RERE: variants seen among roughly 807,000 people sequenced by gnomAD.
RERE encodes the protein arginine-glutamic acid dipeptide repeats, also known as arginine-glutamic acid dipeptide repeats protein.
In RERE, 40 loss-of-function variants were observed where a neutral mutation model predicts 146.1. The ratio of observed to expected loss-of-function variants is 0.27; its 90% CI spans 0.21 to 0.36. RERE has a LOEUF of 0.36. Ranked by LOEUF, RERE falls within the 10% of genes least tolerant of loss-of-function variation. The pLI, the probability that RERE is intolerant of heterozygous loss-of-function variation, is 1.00. For missense variants in RERE, 1,933 were observed against 2,138.7 expected (o/e 0.90, Z 1.90); for synonymous variants, 1,003 against 866.0 (o/e 1.16, Z -2.78).
chr1:8,554,177 C>A (rs1370776864), intron 6 of RERE, among the ~76,000 whole-genome samples: 2 of 152,108 alleles, frequency 1.3e-5, no homozygotes, highest in Admixed American at 6.5e-5. Context: ...CAGAGCAACA[C>A]CCCGTCTCAG....
intron 2 of RERE, 107 bp downstream of exon 2, chr1:8,655,866 G>C: frequency 6.6e-7 from 1 of 1,509,000 alleles, no homozygotes; most frequent in Non-Finnish European, 8.8e-7. Context: ...TACTCTTCTA[G>C]ATTCCAAGCC....
intron 1 of RERE, among the ~76,000 whole-genome samples, chr1:8,719,711 C>CA (rs1639825818): frequency 6.6e-6 from 1 of 152,048 alleles, no homozygotes; most frequent in African/African-American, 2.4e-5. Context: ...GTAAGCCTAC[C>CA]ACAACAGTTA....
chr1:8,497,489 C>T lies in RERE; in HGVS notation c.920G>A (p.Gly307Asp). ...TTCCTCATGTTGGGTCACTGTATCA[C>T]CATCTGGAGAAGGAAATGGTTGCAG... ...PDLQPFPSPD[G>D]DTVTQHEELV... is the part of the protein sequence containing the mutation. The change falls in exon 9 of 23, where the codon GGT becomes GAT. Residue 307 changes from glycine (G) to aspartate (D), a missense_variant. Gly to Asp is a moderately conservative substitution (Grantham distance 94). Around this residue, in one of 11 missense-constraint regions of RERE, gnomAD observed 260 missense variants for 378.4 expected, o/e 0.69. Coordinates refer to ENST00000400908, the MANE Select transcript of RERE (RefSeq NM_001042681.2). 1.2e-6 allele frequency: 2 copies of T among 1,614,144 alleles called. No individual in the cohort carries two copies. Among genetic ancestry groups the T allele is most frequent in the Non-Finnish European group, 1.7e-6 (2 of 1,180,006 alleles).
intron 7 of RERE, among the ~76,000 whole-genome samples, chr1:8,519,198 T>C (rs185057042): frequency 7.2e-5 from 11 of 152,114 alleles, no homozygotes; most frequent in Admixed American, 1.3e-4. Context: ...CTAGGCAACA[T>C]AGCAAGACCT....
intron 1 of RERE, among the ~76,000 whole-genome samples, chr1:8,729,412 A>AT (rs1640038251): frequency 1.1e-5 from 1 of 92,096 alleles, no homozygotes; most frequent in East Asian, 7.9e-4. Flanking sequence ...TTTAGTAGAG[A>AT]CGGGGTTTCA....
At chr1:8,744,399 C>T (rs1402647950) in intron 1 of RERE, among the ~76,000 whole-genome samples, 1 of 152,200 alleles carries the variant, frequency 6.6e-6, no homozygotes, top group Admixed American at 6.5e-5. Context: ...AGGGAGAATT[C>T]CGTTTCACCT....
At chr1:8,772,726 G>C (rs560403450) in intron 1 of RERE, among the ~76,000 whole-genome samples, 211 of 152,192 alleles carry the variant, frequency 1.4e-3, no homozygotes, top group African/African-American at 5.0e-3. Flanking sequence ...GTTGCAGTAA[G>C]CTGAGATTGG....
intron 1 of RERE, among the ~76,000 whole-genome samples, chr1:8,747,804 C>A (rs750293660): frequency 2.6e-5 from 4 of 152,052 alleles, no homozygotes; most frequent in Non-Finnish European, 4.4e-5. Flanking sequence ...CAGAGCTTTG[C>A]TCTGTCGCCC....
At chr1:8,410,041 G>C (rs557741274) in intron 12 of RERE, among the ~76,000 whole-genome samples, 1 of 143,328 alleles carries the variant, frequency 7.0e-6, no homozygotes, top group Admixed American at 7.2e-5. Context: ...TGGGAAATGA[G>C]AGCTGGGATA....
At chr1:8,785,904 G>A (rs888635781) in intron 1 of RERE, among the ~76,000 whole-genome samples, 6 of 152,232 alleles carry the variant, frequency 3.9e-5, no homozygotes, top group African/African-American at 1.4e-4. Context: ...TTACAGGTAT[G>A]AGCCATCGCG....
chr1:8,393,111 C>T (rs899650011), intron 12 of RERE, among the ~76,000 whole-genome samples: 2 of 152,140 alleles, frequency 1.3e-5, no homozygotes, highest in East Asian at 1.9e-4. Context: ...TGCAGGGATT[C>T]GTCCCCAAGT....
At chr1:8,613,624 G>A in intron 4 of RERE, among the ~76,000 whole-genome samples, 1 of 152,006 alleles carries the variant, frequency 6.6e-6, no homozygotes, top group Non-Finnish European at 1.5e-5. Flanking sequence ...TATATTGACA[G>A]TATCTTGCAT....
chr1:8,523,358 CTAATAAGATAT>C (rs1557671403), intron 7 of RERE, among the ~76,000 whole-genome samples: 1 of 152,232 alleles, frequency 6.6e-6, no homozygotes, highest in Non-Finnish European at 1.5e-5. Flanking sequence ...ATAAGAACAA[CTAATAAGATAT>C]TAACTTTGTG....
intron 1 of RERE, among the ~76,000 whole-genome samples, chr1:8,769,390 C>T (rs1640903805): frequency 6.6e-6 from 1 of 152,146 alleles, no homozygotes; most frequent in Admixed American, 6.5e-5. Flanking sequence ...TAGGCAGATG[C>T]CTAATTCAGA....
At chr1:8,768,420 T>C (rs1436807389) in intron 1 of RERE, among the ~76,000 whole-genome samples, 1 of 152,212 alleles carries the variant, frequency 6.6e-6, no homozygotes, top group Non-Finnish European at 1.5e-5. Context: ...CTCTAATCCT[T>C]AAGTCAGAAT....
At chr1:8,765,105 T>C (rs1640822640) in intron 1 of RERE, among the ~76,000 whole-genome samples, 1 of 152,210 alleles carries the variant, frequency 6.6e-6, no homozygotes, top group South Asian at 2.1e-4. Context: ...ATTCAAAGTG[T>C]CCATCAACTA....
At chr1:8,475,687 GAA>G (rs896072847) in intron 10 of RERE, among the ~76,000 whole-genome samples, 1 of 104,892 alleles carries the variant, frequency 9.5e-6, no homozygotes, top group Non-Finnish European at 2.1e-5. Flanking sequence ...TGTCTCAAGA[GAA>G]AAAAAAAAAA....
chr1:8,738,378 G>T (rs1221537318), intron 1 of RERE, among the ~76,000 whole-genome samples: 1 of 151,934 alleles, frequency 6.6e-6, no homozygotes, highest in Non-Finnish European at 1.5e-5. Flanking sequence ...TGCCTCCCTG[G>T]TTCAAGTGAT....
chr1:8,498,732 T>TACACACACACACAA, intron 8 of RERE, among the ~76,000 whole-genome samples: 1 of 107,836 alleles, frequency 9.3e-6, no homozygotes. Flanking sequence ...AATAAATATA[T>TACACACACACACAA]ACACACACAC....
Sources: allele counts gnomAD v4.1 joint callset (sites outside exome capture counted in the v4.1 genomes callset), GRCh38; gene constraint gnomAD v4.1.1; regional missense constraint gnomAD v4.1.1; transcripts MANE v1.5; gene names NCBI Gene and HGNC (gene_info 2026-07-23, HGNC 2026-07-21).